Variants in TBC1D5 observed in about 807,000 individuals in gnomAD.
TBC1D5 encodes the protein TBC1 domain family member 5.
In TBC1D5, 75 loss-of-function variants were observed where a neutral mutation model predicts 100.3. That is an observed-to-expected ratio of 0.75 (90% CI 0.62 to 0.91). The LOEUF (loss-of-function observed/expected upper bound fraction) is 0.91, where lower values mean the gene tolerates loss of function less well. Among genes scored for constraint, TBC1D5 ranks in the 40% least tolerant of loss-of-function variants. The pLI, the probability that TBC1D5 is intolerant of heterozygous loss-of-function variation, is 0.00. For missense variants in TBC1D5, 910 were observed against 942.4 expected, an observed-to-expected ratio of 0.97 and a Z score of 0.45; for synonymous variants, 323 against 325.6, an observed-to-expected ratio of 0.99 and a Z score of 0.09.
intron 1 of TBC1D5, among the ~76,000 whole-genome samples, chr3:17,688,309 T>C (rs999282090): frequency 7.2e-5 from 11 of 151,944 alleles, no homozygotes; most frequent in Non-Finnish European, 1.5e-4. Flanking sequence ...CTTAAGAAAA[T>C]AAAAACTAAA....
chr3:17,541,438 T>G (rs1321445090), intron 2 of TBC1D5, among the ~76,000 whole-genome samples: 1 of 152,032 alleles, frequency 6.6e-6, no homozygotes, highest in Non-Finnish European at 1.5e-5. Context: ...TCCTAAGTAT[T>G]TTTTTTGATG....
intron 3 of TBC1D5, among the ~76,000 whole-genome samples, chr3:17,460,848 A>C (rs570759958): frequency 6.6e-6 from 1 of 152,276 alleles, no homozygotes; most frequent in African/African-American, 2.4e-5. Context: ...CAGAAAGATT[A>C]TTATACTAAC....
intron 1 of TBC1D5, among the ~76,000 whole-genome samples, chr3:17,660,901 C>T (rs1366303613): frequency 6.6e-6 from 1 of 152,044 alleles, no homozygotes; most frequent in Non-Finnish European, 1.5e-5. Flanking sequence ...CTATTTGAAA[C>T]CTGGAAATAG....
At chr3:17,387,610 G>T (rs114544435) in intron 8 of TBC1D5, among the ~76,000 whole-genome samples, 1 of 151,954 alleles carries the variant, frequency 6.6e-6, no homozygotes, top group Non-Finnish European at 1.5e-5. Flanking sequence ...ATGATATGTT[G>T]TAAGTTTCAA....
intron 1 of TBC1D5, among the ~76,000 whole-genome samples, chr3:17,640,152 T>A (rs1340682799): frequency 6.6e-6 from 1 of 152,082 alleles, no homozygotes; most frequent in African/African-American, 2.4e-5. Context: ...AATGCCAAAC[T>A]CCACATTTCC....
intron 3 of TBC1D5, among the ~76,000 whole-genome samples, chr3:17,470,250 A>T (rs1277691419): frequency 6.6e-6 from 1 of 152,222 alleles, no homozygotes; most frequent in African/African-American, 2.4e-5. Context: ...CTCACTTAAA[A>T]CATTATTTCA....
chr3:17,434,468 T>C (rs1032687637), intron 3 of TBC1D5, among the ~76,000 whole-genome samples: 21 of 152,220 alleles, frequency 1.4e-4, no homozygotes, highest in Non-Finnish European at 2.8e-4. Context: ...CACTGGATTC[T>C]TTTAGTTACA....
At chr3:17,563,426 G>T (rs2096572348) in intron 2 of TBC1D5, among the ~76,000 whole-genome samples, 1 of 152,172 alleles carries the variant, frequency 6.6e-6, no homozygotes. Context: ...AGATCTTGAG[G>T]AATACAACAC....
At chr3:17,652,952 C>T (rs893416187) in intron 1 of TBC1D5, among the ~76,000 whole-genome samples, 4 of 152,126 alleles carry the variant, frequency 2.6e-5, no homozygotes, top group East Asian at 1.9e-4. Flanking sequence ...ATATATACAA[C>T]GACATATTGT....
chr3:17,467,769 C>T (rs2095325058), intron 3 of TBC1D5, among the ~76,000 whole-genome samples: 1 of 151,986 alleles, frequency 6.6e-6, no homozygotes, highest in Non-Finnish European at 1.5e-5. Context: ...TGGTGGCATA[C>T]ATTTGTAATC....
intron 2 of TBC1D5, among the ~76,000 whole-genome samples, chr3:17,567,212 C>G (rs1366157046): frequency 6.6e-6 from 1 of 151,602 alleles, no homozygotes; most frequent in Non-Finnish European, 1.5e-5. Flanking sequence ...TTTTTATGCT[C>G]AATATTTCTT....
intron 9 of TBC1D5, among the ~76,000 whole-genome samples, chr3:17,379,279 A>C (rs367776222): frequency 4.6e-5 from 7 of 152,082 alleles, no homozygotes; most frequent in East Asian, 3.9e-4. Context: ...AGAACTGCAT[A>C]GTTCTTACTA....
chr3:17,632,010 G>A (rs564898162), intron 1 of TBC1D5, among the ~76,000 whole-genome samples: 1 of 152,310 alleles, frequency 6.6e-6, no homozygotes, highest in South Asian at 2.1e-4. Context: ...TAAAGCTATT[G>A]CTGCCATAAA....
chr3:17,666,503 A>G (rs2067266445), intron 1 of TBC1D5, among the ~76,000 whole-genome samples: 1 of 152,160 alleles, frequency 6.6e-6, no homozygotes, highest in South Asian at 2.1e-4. Context: ...GCACTCAAAT[A>G]ATTCATTAAT....
chr3:17,701,466 A>T (rs184719244), intron 1 of TBC1D5, among the ~76,000 whole-genome samples: 1 of 152,190 alleles, frequency 6.6e-6, no homozygotes, highest in East Asian at 1.9e-4. Flanking sequence ...CCTAGAACTT[A>T]AAGTATAATA....
At chr3:17,584,549 G>GT (rs763910244) in intron 2 of TBC1D5, among the ~76,000 whole-genome samples, 14 of 150,918 alleles carry the variant, frequency 9.3e-5, no homozygotes, top group Non-Finnish European at 1.6e-4. Flanking sequence ...TCATTTCAGG[G>GT]TTTTTTTTTC....
At chr3:17,408,776 TTTA>T (rs1156653230) in intron 4 of TBC1D5, among the ~76,000 whole-genome samples, 3 of 152,160 alleles carry the variant, frequency 2.0e-5, no homozygotes, top group Admixed American at 6.6e-5. Flanking sequence ...ATTGAAGCTT[TTTA>T]AATTTGTGTA....
At chr3:17,587,853 T>A (rs1396357845) in intron 2 of TBC1D5, among the ~76,000 whole-genome samples, 1 of 152,066 alleles carries the variant, frequency 6.6e-6, no homozygotes, top group Non-Finnish European at 1.5e-5. Context: ...TTTCTCATCT[T>A]TCTTTTGTAA....
At chr3:17,303,903 T>C (rs1326851565) in intron 14 of TBC1D5, among the ~76,000 whole-genome samples, 1 of 144,532 alleles carries the variant, frequency 6.9e-6, no homozygotes, top group Non-Finnish European at 1.5e-5. Context: ...CTGTAGGATC[T>C]TCAACAGCTA....
Sources: allele counts gnomAD v4.1 joint callset (sites outside exome capture counted in the v4.1 genomes callset), GRCh38; gene constraint gnomAD v4.1.1; transcripts MANE v1.5; gene names NCBI Gene and HGNC (gene_info 2026-07-23, HGNC 2026-07-21).